MYO18A: variants seen among roughly 807,000 people sequenced by gnomAD.
MYO18A encodes myosin XVIIIA.
Under a neutral mutation model 235.8 loss-of-function variants are expected in MYO18A, and 78 were observed. That is an observed-to-expected ratio of 0.33 (90% CI 0.28 to 0.40). The LOEUF (loss-of-function observed/expected upper bound fraction) is 0.40, where lower values mean the gene tolerates loss of function less well. Among genes scored for constraint, MYO18A ranks in the 10% least tolerant of loss-of-function variants. The probability of loss-of-function intolerance (pLI) is 1.00; values close to 1 mark genes in which losing one functional copy is unlikely to be tolerated. For synonymous variants in MYO18A, 977 were observed against 1,077.8 expected, an observed-to-expected ratio of 0.91 and a Z score of 1.83; for missense variants, 2,215 against 2,699.3, an observed-to-expected ratio of 0.82 and a Z score of 3.98.
In MYO18A at chr17:29,121,325, G is replaced by A; in HGVS notation, c.1372-114C>T. 2 of 1,258,890 alleles carry A rather than the reference G, an allele frequency of 1.6e-6. No individual in the cohort carries two copies. The highest frequency in any genetic ancestry group is 1.4e-5 in the South Asian group (1 of 70,478). The allele number at this position is 1,258,890 out of a possible 1,614,324, so 78.0% of individuals were successfully genotyped here. ...GATTTTCCCTCCTGTAGTGCCCAGGGATTCCAAGGCCAAGGCCATGCATGG... is the reference window on the plus strand; with the variant it reads ...GATTTTCCCTCCTGTAGTGCCCAGGAATTCCAAGGCCAAGGCCATGCATGG... On this transcript the variant is annotated intron_variant, in intron 5 of 41. Coordinates refer to ENST00000527372, the MANE Select transcript of MYO18A (RefSeq NM_078471.4). This position sits in a 1 kb window ranked among gnomAD's most constrained non-coding sequence, Gnocchi z 4.2.
chr17:29,097,033 T>C (rs1271660941), intron 27 of MYO18A, 118 bp from the exon 28 acceptor site: 1 of 1,399,182 alleles, frequency 7.1e-7, no homozygotes, highest in African/African-American at 1.4e-5. Flanking sequence ...AAGTCGGGTC[T>C]CCCAGGGAAC....
At position 29,089,946 on chromosome 17, in the gene MYO18A, GA is replaced by G; in HGVS notation, c.5526+14del. 1.2e-6 allele frequency: 2 copies of G among 1,613,994 alleles called. No individual in the cohort carries two copies. Among genetic ancestry groups the G allele is most frequent in the Non-Finnish European group, 1.7e-6 (2 of 1,179,852 alleles). The stretch of plus-strand genomic sequence containing the variant: ...CTGCCCTGTTTGGTGTGGCCCGGGA[GA>G]AGTGTGAACCCACCTCCAGCCGTTT... On this transcript the variant is annotated intron_variant, in intron 37 of 41. Coordinates refer to ENST00000527372, the MANE Select transcript of MYO18A (RefSeq NM_078471.4).
In MYO18A at chr17:29,091,143, G is replaced by C. The variant is rs73268343; in HGVS notation, c.5188-217C>G. 9.8e-3 allele frequency: 5,354 copies of C among 544,308 alleles called. 201 individuals are homozygous for C. The highest frequency in any genetic ancestry group is 0.085 in the African/African-American group (4,495 of 52,960). The allele number at this position is 544,308 out of a possible 1,614,324, so 33.7% of individuals were successfully genotyped here. The stretch of plus-strand genomic sequence containing the variant: ...CTGTGTGCAGTACAGGCAGACCCTG[G>C]GCCTCTGAGCTGAATGACAGCTGCT... On this transcript the variant is annotated intron_variant, in intron 34 of 41. Coordinates refer to ENST00000527372, the MANE Select transcript of MYO18A (RefSeq NM_078471.4).
chr17:29,127,026 C>T (rs1355358598), intron 2 of MYO18A, among the ~76,000 whole-genome samples: 2 of 152,200 alleles, frequency 1.3e-5, no homozygotes, highest in Admixed American at 6.5e-5. Context: ...TCAATAACAA[C>T]TGTTATTAGC....
chr17:29,171,110 T>C (rs1313408465), intron 1 of MYO18A, among the ~76,000 whole-genome samples: 2 of 152,016 alleles, frequency 1.3e-5, no homozygotes, highest in Non-Finnish European at 2.9e-5. Flanking sequence ...GCGGTTTGGG[T>C]TGATAAGTAT....
At chr17:29,112,025 G>A (rs557626031) in intron 15 of MYO18A, among the ~76,000 whole-genome samples, 162 bp from the exon 16 acceptor site, 1 of 152,334 alleles carries the variant, frequency 6.6e-6, no homozygotes, top group East Asian at 1.9e-4. Flanking sequence ...ACCTTGTGGA[G>A]GAAGCGGGCA....
At position 29,071,613 on chromosome 17, in the gene MYO18A, G is replaced by A. The variant is rs189238379; in HGVS notation, c.*3157C>T. ...GTACCTGTGGAAGTGCTATTTTCAA[G>A]CCCTGGTCAAAATAGCAGCTCCTTT... On this transcript the variant is annotated 3_prime_UTR_variant, in exon 42 of 42. Transcript: ENST00000527372. The A allele has an allele frequency of 4.6e-5, 7 of 152,292 alleles. No individual in the cohort carries two copies. The East Asian group carries it at 1.3e-3, about 29-fold the overall frequency. The allele number at this position is 152,292 out of a possible 1,614,324, so 9.4% of individuals were successfully genotyped here.
At chr17:29,164,246 G>C (rs1251407263) in intron 2 of MYO18A, among the ~76,000 whole-genome samples, 1 of 152,194 alleles carries the variant, frequency 6.6e-6, no homozygotes, top group Non-Finnish European at 1.5e-5. Context: ...CTACCTCGTG[G>C]TTCTCTGAGT....
At chr17:29,099,851 AGGCCAGGGAGTACAGCCCTT>A in intron 21 of MYO18A, 89 bp from the exon 22 acceptor site, 2 of 1,527,860 alleles carry the variant, frequency 1.3e-6, no homozygotes, top group East Asian at 4.5e-5. Context: ...AGAAACAAGC[AGGCCAGGGAGTACAGCCCTT>A]GGCTTGGGAA....
At chr17:29,090,478 C>T in intron 36 of MYO18A, 54 bp downstream of exon 36, 1 of 1,499,924 alleles carries the variant, frequency 6.7e-7, no homozygotes, top group Non-Finnish European at 9.1e-7. Context: ...GGGTTCCTCC[C>T]ACACCTAGTG....
rs78137906 is a variant in MYO18A, at chr17:29,117,672, G to A, written c.2038+373C>T. Among the ~76,000 whole-genome samples the A allele has an allele frequency of 9.0e-4, 137 of 152,268 alleles. 1 individual carries two copies. In the East Asian group the frequency reaches 0.024, roughly 27 times the overall value. ...CACGGCGGCCCCTATACCCAAGGGC[G>A]GGGCCAAGGTCAGTTACCCGCTTGC... On this transcript the variant is annotated intron_variant, in intron 10 of 41. Transcript: ENST00000527372. This position sits in a 1 kb window ranked among gnomAD's most constrained non-coding sequence, Gnocchi z 4.6.
chr17:29,129,149 C>G, intron 2 of MYO18A: 1 of 1,285,434 alleles, frequency 7.8e-7, no homozygotes, highest in Non-Finnish European at 1.0e-6. Flanking sequence ...GGAGCTCTTC[C>G]TGGCCCCAAG....
intron 36 of MYO18A, 120 bp downstream of exon 36, chr17:29,090,412 G>A (rs569952346): frequency 2.6e-4 from 232 of 880,170 alleles, no homozygotes; most frequent in Non-Finnish European, 3.4e-4. Flanking sequence ...CCTCATTTAC[G>A]CTGCTCTGTG....
chr17:29,119,975 A>C (rs1391330511), intron 7 of MYO18A, among the ~76,000 whole-genome samples: 1 of 152,144 alleles, frequency 6.6e-6, no homozygotes, highest in African/African-American at 2.4e-5. Flanking sequence ...TCCCAGGTTC[A>C]AGTGACCCTC....
Position 29,074,493 on chromosome 17 carries a change from A to G in MYO18A, c.*277T>C, listed in dbSNP as rs11539071. On this transcript the variant is annotated 3_prime_UTR_variant, in exon 42 of 42. Coordinates refer to ENST00000527372, the MANE Select transcript of MYO18A (RefSeq NM_078471.4). This position sits in a 1 kb window ranked among gnomAD's most constrained non-coding sequence, Gnocchi z 4.4. Reference sequence around the variant, plus strand: ...TCCATGCAGTGCCAGGCCACCTGCCACTGCCCACGGTGACACAGGGTAGAA... The same window carrying G: ...TCCATGCAGTGCCAGGCCACCTGCCGCTGCCCACGGTGACACAGGGTAGAA... The G allele has an allele frequency of 0.17, 94,587 of 571,482 alleles. 8,693 individuals carry two copies. The highest frequency in any genetic ancestry group is 0.26 in the South Asian group (10,500 of 40,104). The allele number at this position is 571,482 out of a possible 1,614,324, so 35.4% of individuals were successfully genotyped here.
At chr17:29,165,907 C>T (rs923716593) in intron 2 of MYO18A, 35 bp downstream of exon 2, 13 of 1,581,610 alleles carry the variant, frequency 8.2e-6, no homozygotes, top group Non-Finnish European at 1.1e-5. Flanking sequence ...CATTCCCCAT[C>T]CCTGCTTAGC....
intron 41 of MYO18A, among the ~76,000 whole-genome samples, chr17:29,081,851 A>T (rs2066132235): frequency 6.6e-6 from 1 of 152,078 alleles, no homozygotes; most frequent in Non-Finnish European, 1.5e-5. Context: ...GGAAGGAGAG[A>T]ATGGGCAGAA....
At position 29,166,121 on chromosome 17, in the gene MYO18A, C is replaced by T. The variant is rs1567644612; in HGVS notation, c.820G>A (p.Asp274Asn). 6.2e-7 allele frequency: 1 copy of T among 1,613,378 alleles called. No homozygotes were observed. The highest frequency in any genetic ancestry group is 2.2e-5 in the East Asian group (1 of 44,894). Residue 274 changes from aspartate (D) to asparagine (N), a missense_variant, in exon 2 of 42, where the codon GAT (aspartate) becomes AAT (asparagine). By Grantham distance (23) the Asp-to-Asn change is conservative (BLOSUM62 1). Transcript: ENST00000527372. ...KDLALGLVPGDRLVEINGHNV... is the reference protein window; with the variant it reads ...KDLALGLVPGNRLVEINGHNV... The stretch of plus-strand genomic sequence containing the variant: ...TGCCCATTAATCTCCACCAGTCGAT[C>T]TCCTGGCACCAGCCCCAGGGCCAGG...
rs756881292 is a variant in MYO18A, at chr17:29,111,434, C to G, written c.2890G>C (p.Asp964His). ...GAGTGGTGGTCTTACTTCTGGGAGT[C>G]CTGCAGGAGCCGGGGGGCATTCTGG... The part of the protein sequence containing the change: ...ATQNAPRLLQ[D>H]SQKKIISNLF... The change falls in exon 17 of 42, where the codon GAC (aspartate) becomes CAC (histidine). Residue 964 changes from aspartate to histidine, a missense_variant. Physicochemically the swap from Asp to His is moderately conservative, Grantham distance 81. Transcript: ENST00000527372. This position sits in a 1 kb window ranked among gnomAD's most constrained non-coding sequence, Gnocchi z 5.1. 4 of 1,612,128 alleles carry G rather than the reference C, an allele frequency of 2.5e-6. No homozygotes were observed. In the South Asian group the frequency reaches 4.4e-5, roughly 18 times the overall value.
Sources: allele counts gnomAD v4.1 joint callset (sites outside exome capture counted in the v4.1 genomes callset), GRCh38; gene constraint gnomAD v4.1.1; non-coding constraint Gnocchi (gnomAD v3.1); transcripts MANE v1.5; gene names NCBI Gene and HGNC (gene_info 2026-07-23, HGNC 2026-07-21).